DPYD: variants seen among roughly 807,000 people sequenced by gnomAD.
DPYD encodes dihydropyrimidine dehydrogenase.
In DPYD, 109 loss-of-function variants were observed where a neutral mutation model predicts 116.2. The observed-to-expected ratio is 0.94, with a 90% CI of 0.80 to 1.10. The LOEUF (loss-of-function observed/expected upper bound fraction) is 1.10, where lower values mean the gene tolerates loss of function less well. Among genes scored for constraint, DPYD ranks in the 50% least tolerant of loss-of-function variants. The probability of loss-of-function intolerance (pLI) is 0.00; values close to 1 mark genes in which losing one functional copy is unlikely to be tolerated. For missense variants in DPYD, 1,302 were observed against 1,254.5 expected (o/e 1.04, Z -0.57); for synonymous variants, 440 against 432.0 (o/e 1.02, Z -0.23).
chr1:97,661,503 C>T (rs139683262), intron 8 of DPYD, among the ~76,000 whole-genome samples: 1 of 152,082 alleles, frequency 6.6e-6, no homozygotes, highest in East Asian at 1.9e-4. Context: ...ATTTTAGAGA[C>T]CCATCTAGTT....
intron 13 of DPYD, among the ~76,000 whole-genome samples, chr1:97,452,763 T>C (rs566991026): frequency 6.6e-6 from 1 of 152,212 alleles, no homozygotes; most frequent in East Asian, 1.9e-4. Context: ...ATTTGTCATA[T>C]GATGTGACTG....
At chr1:97,215,164 C>T (rs2027054) in intron 19 of DPYD, among the ~76,000 whole-genome samples, 37,566 of 152,038 alleles carry the variant, frequency 0.25, 5,030 homozygotes, top group Admixed American at 0.31. Flanking sequence ...AACCATACTA[C>T]GAGGTAGGTA....
intron 18 of DPYD, among the ~76,000 whole-genome samples, chr1:97,292,226 A>G (rs1666237112): frequency 6.6e-6 from 1 of 152,170 alleles, no homozygotes; most frequent in Non-Finnish European, 1.5e-5. Flanking sequence ...ATTATAAGCT[A>G]CATTGGTCTG....
intron 12 of DPYD, among the ~76,000 whole-genome samples, chr1:97,527,958 A>G (rs1034463747): frequency 1.3e-5 from 2 of 152,174 alleles, no homozygotes; most frequent in African/African-American, 4.8e-5. Flanking sequence ...TTTCATTGTG[A>G]TATGCTACAA....
chr1:97,295,274 G>A (rs540614002), intron 18 of DPYD, among the ~76,000 whole-genome samples: 18 of 152,190 alleles, frequency 1.2e-4, no homozygotes, highest in African/African-American at 3.9e-4. Flanking sequence ...CCAAGGCCTC[G>A]ATATTCCCAC....
intron 12 of DPYD, among the ~76,000 whole-genome samples, chr1:97,541,221 G>C (rs550618967): frequency 1.3e-5 from 2 of 152,082 alleles, no homozygotes; most frequent in African/African-American, 4.8e-5. Flanking sequence ...TATGTTTCTC[G>C]CCCTGTTTCT....
intron 18 of DPYD, among the ~76,000 whole-genome samples, chr1:97,287,645 C>A (rs913042770): frequency 1.3e-5 from 2 of 152,138 alleles, no homozygotes; most frequent in Non-Finnish European, 1.5e-5. Flanking sequence ...GAGCACCCCT[C>A]CCCCAGCCTC....
chr1:97,622,845 T>C (rs1412505838), intron 8 of DPYD, among the ~76,000 whole-genome samples: 3 of 151,914 alleles, frequency 2.0e-5, no homozygotes, highest in Non-Finnish European at 4.4e-5. Context: ...GTTTCCAGTG[T>C]GGTGAAAGTG....
At chr1:97,626,729 G>A (rs553397641) in intron 8 of DPYD, among the ~76,000 whole-genome samples, 1 of 152,092 alleles carries the variant, frequency 6.6e-6, no homozygotes, top group Admixed American at 6.6e-5. Context: ...AAAAATAAAC[G>A]ACATAGTAAG....
chr1:97,168,073 T>C (rs1303353274), intron 20 of DPYD, among the ~76,000 whole-genome samples: 1 of 152,214 alleles, frequency 6.6e-6, no homozygotes, highest in East Asian at 1.9e-4. Context: ...ATTCCAGTCA[T>C]ATATTCACAG....
At position 97,645,572 on chromosome 1, in the gene DPYD, G is replaced by GT. The variant is rs1180497932; in HGVS notation, c.850+33522dup. Among the ~76,000 whole-genome samples, 10 of 151,688 alleles carry GT rather than the reference G, an allele frequency of 6.6e-5. No individual in the cohort carries two copies. In the East Asian group the frequency reaches 1.6e-3, roughly 24 times the overall value. On this transcript the variant is annotated intron_variant, in intron 8 of 22. Coordinates refer to ENST00000370192, the MANE Select transcript of DPYD (RefSeq NM_000110.4). Reference sequence around the variant, plus strand: ...TCTGTATGCATTTGTGTCTGTTTCTGTTTTTTTAATCTGTTCTGTTAATAT... The same window carrying GT: ...TCTGTATGCATTTGTGTCTGTTTCTGTTTTTTTTAATCTGTTCTGTTAATAT...
rs146678204 is a variant in DPYD, at chr1:97,194,336, C to A, written c.2443-1088G>T. On this transcript the variant is annotated intron_variant, in intron 19 of 22. Coordinates refer to ENST00000370192, the MANE Select transcript of DPYD (RefSeq NM_000110.4). ...TGATGGTTTTATAAGGGGCTTTTCC[C>A]CTTTTCCTTTGCACTTCTCCTTCCT... is the stretch of plus-strand genomic sequence containing the variant. 9.8e-4 allele frequency among the ~76,000 whole-genome samples: 149 copies of A among 152,102 alleles called. 1 individual carries two copies. Among genetic ancestry groups the A allele is most frequent in the African/African-American group, 3.4e-3 (142 of 41,480 alleles).
intron 8 of DPYD, among the ~76,000 whole-genome samples, chr1:97,676,074 A>G (rs1041332891): frequency 1.3e-5 from 2 of 152,086 alleles, no homozygotes; most frequent in African/African-American, 4.8e-5. Context: ...AAAACTACCT[A>G]TGTAACCAAC....
At chr1:97,387,515 G>C (rs1046436381) in intron 14 of DPYD, among the ~76,000 whole-genome samples, 3 of 152,036 alleles carry the variant, frequency 2.0e-5, no homozygotes, top group African/African-American at 4.8e-5. Flanking sequence ...ACCATTTCCA[G>C]TTCCAATTGT....
At chr1:97,505,967 T>G (rs1647293832) in intron 13 of DPYD, among the ~76,000 whole-genome samples, 1 of 151,926 alleles carries the variant, frequency 6.6e-6, no homozygotes, top group Admixed American at 6.6e-5. Context: ...AAAAGGTAAT[T>G]GGTGTGTGAT....
At chr1:97,292,405 C>T (rs1037119667) in intron 18 of DPYD, among the ~76,000 whole-genome samples, 10 of 152,094 alleles carry the variant, frequency 6.6e-5, no homozygotes, top group Non-Finnish European at 1.2e-4. Context: ...AGGAGAAGCG[C>T]AGAGTGAAGT....
chr1:97,714,819 C>T (rs1257495889), intron 5 of DPYD, among the ~76,000 whole-genome samples: 1 of 152,110 alleles, frequency 6.6e-6, no homozygotes, highest in African/African-American at 2.4e-5. Context: ...TGTGGCCTTA[C>T]AGCCAGAAAA....
intron 3 of DPYD, among the ~76,000 whole-genome samples, chr1:97,785,681 CTTTTTTTTTTTTTTTTTTT>C (rs35229030): frequency 3.2e-5 from 2 of 62,540 alleles, no homozygotes; most frequent in African/African-American, 1.4e-4. Flanking sequence ...GCCACTGACT[CTTTTTTTTTTTTTTTTTTT>C]TTTTTTTTTT....
intron 8 of DPYD, among the ~76,000 whole-genome samples, chr1:97,618,826 C>G (rs1275681293): frequency 1.7e-4 from 26 of 152,132 alleles, no homozygotes; most frequent in Non-Finnish European, 2.9e-5. Flanking sequence ...TAATGAAGGG[C>G]ACGGGGTTCC....
Sources: gnomAD v4.1 joint callset for allele counts (sites outside exome capture counted in the v4.1 genomes callset) on GRCh38, gnomAD v4.1.1 for gene constraint, MANE v1.5 for transcripts, NCBI Gene and HGNC (gene_info 2026-07-23, HGNC 2026-07-21) for gene names.